Variants in DLGAP1 observed in about 807,000 individuals in gnomAD.
DLGAP1 encodes disks large-associated protein 1.
In DLGAP1, 11 loss-of-function variants were observed where a neutral mutation model predicts 90.8. The observed-to-expected ratio is 0.12, with a 90% CI of 0.08 to 0.20. The LOEUF (loss-of-function observed/expected upper bound fraction) is 0.20, where lower values mean the gene tolerates loss of function less well. Among genes scored for constraint, DLGAP1 ranks in the 10% least tolerant of loss-of-function variants. DLGAP1 has a pLI of 1.00. For synonymous variants in DLGAP1, 558 were observed against 540.7 expected, an observed-to-expected ratio of 1.03 and a Z score of -0.44; for missense variants, 1,050 against 1,333.8, an observed-to-expected ratio of 0.79 and a Z score of 3.31.
intron 1 of DLGAP1, among the ~76,000 whole-genome samples, chr18:4,376,602 C>T (rs1040393735): frequency 7.2e-5 from 11 of 152,100 alleles, no homozygotes; most frequent in African/African-American, 2.2e-4. Flanking sequence ...CCAAAGATAA[C>T]TAATGTCAAG....
At chr18:3,553,430 CTT>C (rs2053584426) in intron 9 of DLGAP1, among the ~76,000 whole-genome samples, 1 of 152,066 alleles carries the variant, frequency 6.6e-6, no homozygotes, top group East Asian at 1.9e-4. Flanking sequence ...GTAAATACTA[CTT>C]TGTTTTTCTT....
At chr18:4,310,754 C>A (rs1420617341) in intron 1 of DLGAP1, among the ~76,000 whole-genome samples, 8 of 152,190 alleles carry the variant, frequency 5.3e-5, no homozygotes, top group Non-Finnish European at 8.8e-5. Context: ...AGAAATGTCA[C>A]CCTGTCCCTT....
chr18:3,862,619 T>C (rs1255959947), intron 4 of DLGAP1, among the ~76,000 whole-genome samples: 1 of 152,176 alleles, frequency 6.6e-6, no homozygotes, highest in Non-Finnish European at 1.5e-5. Context: ...CCCAGCACAA[T>C]GGCCAGCAGG....
intron 11 of DLGAP1, among the ~76,000 whole-genome samples, chr18:3,507,050 G>A (rs903247909): frequency 2.6e-5 from 4 of 152,020 alleles, no homozygotes; most frequent in African/African-American, 9.7e-5. Flanking sequence ...GAGGGTGTGC[G>A]AATAGCCCTA....
Position 4,454,857 on chromosome 18 carries a change from G to C in DLGAP1, c.-267+149C>G, listed in dbSNP as rs1226573126. The C allele has an allele frequency of 2.6e-5, 4 of 151,546 alleles. No homozygotes were observed. The highest frequency in any genetic ancestry group is 5.9e-5 in the Non-Finnish European group (4 of 67,804). The allele number at this position is 151,546 out of a possible 1,614,324, so 9.4% of individuals were successfully genotyped here. On this transcript the variant is annotated intron_variant, in intron 1 of 12. Coordinates refer to ENST00000315677, the MANE Select transcript of DLGAP1 (RefSeq NM_004746.4). This position sits in a 1 kb window ranked among gnomAD's most constrained non-coding sequence, Gnocchi z 4.7. ...GAAAGGGTAAGGAGCGCGGACTCTC[G>C]AGCCAGCGGCCGGGGGAGCCCAGCC...
At position 4,203,633 on chromosome 18, in the gene DLGAP1, A is replaced by G. The variant is rs372608721; in HGVS notation, c.-266-52346T>C. On this transcript the variant is annotated intron_variant, in intron 1 of 12. Transcript: ENST00000315677. The stretch of plus-strand genomic sequence containing the variant: ...CATGCTCTGACTCAGTCAGGCCCAG[A>G]AAACAACCACTCTTTCTTCCTTTTC... Among the ~76,000 whole-genome samples, 36 of 152,286 alleles carry G rather than the reference A, an allele frequency of 2.4e-4. 3 individuals are homozygous for G. The highest frequency in any genetic ancestry group is 3.9e-4 in the Admixed American group (6 of 15,304).
chr18:4,393,217 A>C (rs2082373673), intron 1 of DLGAP1, among the ~76,000 whole-genome samples: 1 of 152,142 alleles, frequency 6.6e-6, no homozygotes, highest in African/African-American at 2.4e-5. Context: ...TTAATATAAA[A>C]TCCTATCTCC....
chr18:4,341,646 C>A (rs1453419803), intron 1 of DLGAP1, among the ~76,000 whole-genome samples: 1 of 152,148 alleles, frequency 6.6e-6, no homozygotes, highest in South Asian at 2.1e-4. Flanking sequence ...CCACCCTACA[C>A]CTGTCTTTTC....
intron 2 of DLGAP1, among the ~76,000 whole-genome samples, chr18:4,079,375 TC>T (rs1485400248): frequency 6.6e-6 from 1 of 151,596 alleles, no homozygotes; most frequent in Non-Finnish European, 1.5e-5. Context: ...TAAAATAATA[TC>T]TTTTTCAGCA....
In DLGAP1 at chr18:3,567,472, G is replaced by A; in HGVS notation, c.2057+18C>T. ...TCAAAACATCAAGACAAAAGAGGATGCGTGCATGTGGACTTACCACTTCTC... is the reference window on the plus strand; with the variant it reads ...TCAAAACATCAAGACAAAAGAGGATACGTGCATGTGGACTTACCACTTCTC... On this transcript the variant is annotated intron_variant, in intron 9 of 12. Coordinates refer to ENST00000315677, the MANE Select transcript of DLGAP1 (RefSeq NM_004746.4). The A allele has an allele frequency of 1.3e-6, 2 of 1,594,380 alleles. No individual in the cohort carries two copies. The highest frequency in any genetic ancestry group is 1.7e-6 in the Non-Finnish European group (2 of 1,164,422).
chr18:3,879,837 G>C lies in DLGAP1; in HGVS notation c.232C>G (p.Gln78Glu). The change falls in exon 4 of 13, where the codon CAG becomes GAG. Residue 78 changes from glutamine (Q) to glutamate (E), a missense_variant. Gln to Glu is a conservative substitution (Grantham distance 29). Transcript: ENST00000315677. This position sits in a 1 kb window ranked among gnomAD's most constrained non-coding sequence, Gnocchi z 6.6. ...STFPRRHYTS[Q>E]QELKDECALV... ...GCACACTCGTCCTTCAGCTCTTGCT[G>C]CGAGGTGTAGTGCCTGCGGGGGAAG... The C allele has an allele frequency of 6.2e-7, 1 of 1,609,416 alleles. No homozygotes were observed. Among genetic ancestry groups the C allele is most frequent in the Middle Eastern group, 1.6e-4 (1 of 6,062 alleles).
At chr18:3,924,407 C>G (rs2072335213) in intron 3 of DLGAP1, among the ~76,000 whole-genome samples, 1 of 152,240 alleles carries the variant, frequency 6.6e-6, no homozygotes, top group Non-Finnish European at 1.5e-5. Flanking sequence ...ACCCTATTCT[C>G]TCATGAAGCT....
intron 5 of DLGAP1, among the ~76,000 whole-genome samples, chr18:3,790,133 A>G (rs1006614909): frequency 6.6e-6 from 1 of 152,152 alleles, no homozygotes; most frequent in African/African-American, 2.4e-5. Context: ...TCAGTCTCCA[A>G]AAAAAATTTT....
At chr18:4,217,614 AAT>A (rs143147685) in intron 1 of DLGAP1, among the ~76,000 whole-genome samples, 4 of 150,694 alleles carry the variant, frequency 2.7e-5, no homozygotes, top group Non-Finnish European at 3.0e-5. Flanking sequence ...ACACGCACAT[AAT>A]ATATATATAT....
Position 3,534,552 on chromosome 18 carries a change from A to C in DLGAP1, c.2121T>G (p.His707Gln). The change falls in exon 10 of 13, where the codon CAT becomes CAG. Residue 707 changes from histidine (H) to glutamine (Q), a missense_variant. His to Gln is a conservative substitution (Grantham distance 24). Transcript: ENST00000315677. ...TTAVQADLDF[H>Q]DNLENSLESI... is the part of the protein sequence containing the mutation. ...ATTCCAGAGAATTTTCCAGATTATC[A>C]TGGAAGTCCAGGTCGGCCTGTACTG... 1 of 1,613,736 alleles carries C rather than the reference A, an allele frequency of 6.2e-7. No individual in the cohort carries two copies. The highest frequency in any genetic ancestry group is 8.5e-7 in the Non-Finnish European group (1 of 1,179,744).
At chr18:3,659,860 G>A (rs545877086) in intron 7 of DLGAP1, among the ~76,000 whole-genome samples, 5 of 152,170 alleles carry the variant, frequency 3.3e-5, no homozygotes, top group South Asian at 2.1e-4. Flanking sequence ...CACCGCGCCC[G>A]GCCTATTTCC....
chr18:4,127,172 G>A (rs1054066767), intron 2 of DLGAP1, among the ~76,000 whole-genome samples: 3 of 152,262 alleles, frequency 2.0e-5, no homozygotes, highest in African/African-American at 7.2e-5. Context: ...ACATCAGCAG[G>A]AGCTACTATG....
chr18:3,916,554 T>G (rs1271230221), intron 3 of DLGAP1, among the ~76,000 whole-genome samples: 3 of 152,228 alleles, frequency 2.0e-5, no homozygotes, highest in Non-Finnish European at 4.4e-5. Context: ...GTATGGAGCT[T>G]GAACATTCAC....
At chr18:4,261,019 A>G (rs981881993) in intron 1 of DLGAP1, among the ~76,000 whole-genome samples, 1 of 152,234 alleles carries the variant, frequency 6.6e-6, no homozygotes, top group African/African-American at 2.4e-5. Flanking sequence ...GAGAGTGTGT[A>G]AAGGACAAAC....
Sources: gnomAD v4.1 joint callset for allele counts (sites outside exome capture counted in the v4.1 genomes callset) on GRCh38, gnomAD v4.1.1 for gene constraint, Gnocchi (gnomAD v3.1) non-coding constraint, MANE v1.5 for transcripts, NCBI Gene and HGNC (gene_info 2026-07-23, HGNC 2026-07-21) for gene names.